TNFAIP8: variants seen among roughly 807,000 people sequenced by gnomAD.
TNFAIP8 encodes the protein tumor necrosis factor alpha-induced protein 8.
TNFAIP8 carries 7 observed loss-of-function variants against 13.3 expected under a neutral mutation model. The observed-to-expected ratio is 0.52, with a 90% CI of 0.30 to 0.99. The LOEUF is 0.99. TNFAIP8 is among the 50% of genes least tolerant of loss of function. TNFAIP8 has a pLI of 0.07. For missense variants in TNFAIP8, 258 were observed against 236.9 expected (o/e 1.09, Z -0.58); for synonymous variants, 94 against 87.6 (o/e 1.07, Z -0.41).
At chr5:119,351,518 C>T (rs757111139), upstream of TNFAIP8, among the ~76,000 whole-genome samples, 6 of 151,886 alleles carry the variant, frequency 4.0e-5, no homozygotes, top group East Asian at 7.7e-4. Flanking sequence ...GTAAGTGTTC[C>T]GAACACATTT....
intron 1 of TNFAIP8, among the ~76,000 whole-genome samples, chr5:119,287,002 G>T (rs548348266): frequency 1.3e-5 from 2 of 152,200 alleles, no homozygotes; most frequent in East Asian, 1.9e-4. Context: ...AGAACGCATC[G>T]CAAGCATCCC....
At chr5:119,296,803 A>C (rs1415643047) in intron 1 of TNFAIP8, among the ~76,000 whole-genome samples, 13 of 151,878 alleles carry the variant, frequency 8.6e-5, no homozygotes, top group Middle Eastern at 3.4e-3. Context: ...ACAATTTCAG[A>C]GCCTGTTATT....
intron 1 of TNFAIP8, among the ~76,000 whole-genome samples, chr5:119,312,257 T>A (rs1749753436): frequency 6.6e-6 from 1 of 152,180 alleles, no homozygotes; most frequent in African/African-American, 2.4e-5. Context: ...TGGATTCAAA[T>A]TCTGACTCTG....
chr5:119,358,478 G>A (rs1452900050), intron 1 of TNFAIP8, among the ~76,000 whole-genome samples: 1 of 152,140 alleles, frequency 6.6e-6, no homozygotes, highest in Non-Finnish European at 1.5e-5. Flanking sequence ...CAATGAATAA[G>A]TGATTGTGCT....
intron 1 of TNFAIP8, among the ~76,000 whole-genome samples, chr5:119,296,234 G>T (rs1272452522): frequency 6.6e-6 from 1 of 151,892 alleles, no homozygotes; most frequent in Non-Finnish European, 1.5e-5. Context: ...TCCAGTTTTT[G>T]CCCATTCAGT....
rs1750436865 is a variant in TNFAIP8 at position 119,333,145 on chromosome 5, G to A, written c.2-59671G>A. The stretch of plus-strand genomic sequence containing the variant: ...AGTATCTGTTTCTATTTTCTAGCAT[G>A]TTGAAACGTTAGACTTCCTGTTTCT... On this transcript the variant is annotated intron_variant, in intron 1 of 1. Transcript: ENST00000274456. The A allele has an allele frequency of 4.6e-6, 4 of 865,386 alleles. No individual in the cohort carries two copies. The African/African-American group carries it at 7.8e-5, about 17-fold the overall frequency. 53.6% of individuals were successfully genotyped at this position (865,386 alleles called of 1,614,324 possible). A position where few individuals can be genotyped will look rare whatever the true frequency, so the allele number is the denominator to read the frequency against.
chr5:119,297,641 G>A (rs1749219278), intron 1 of TNFAIP8, among the ~76,000 whole-genome samples: 1 of 152,300 alleles, frequency 6.6e-6, no homozygotes, highest in South Asian at 2.1e-4. Context: ...GCAGAGCTGA[G>A]TTCAATTCCT....
rs1347071151 is a variant in TNFAIP8 at position 119,299,031 on chromosome 5, A to T, written c.1+30124A>T. ...TTCTAAATTTTTTTCAAAGTTTTTA[A>T]CTTCTTTGCCTTTGGTTTGAATTTC... On this transcript the variant is annotated intron_variant, in intron 1 of 1. Transcript: ENST00000274456. Among the ~76,000 whole-genome samples, 5 of 152,140 alleles carry T rather than the reference A, an allele frequency of 3.3e-5. No homozygotes were observed. The South Asian group carries it at 1.0e-3, about 32-fold the overall frequency.
chr5:119,346,540 C>T (rs577351964), intron 1 of TNFAIP8, among the ~76,000 whole-genome samples: 75 of 152,308 alleles, frequency 4.9e-4, no homozygotes, highest in African/African-American at 1.7e-3. Context: ...AAACTTATTG[C>T]AGTTCCTCAA....
At chr5:119,351,097 A>C (rs1462974495), upstream of TNFAIP8, among the ~76,000 whole-genome samples, 1 of 150,864 alleles carries the variant, frequency 6.6e-6, no homozygotes, top group Non-Finnish European at 1.5e-5. Context: ...ATCATAGCTC[A>C]CTGTAGCCTT....
At chr5:119,345,042 C>T (rs764839034) in intron 1 of TNFAIP8, among the ~76,000 whole-genome samples, 1 of 152,082 alleles carries the variant, frequency 6.6e-6, no homozygotes, top group East Asian at 1.9e-4. Flanking sequence ...CATGCCATTT[C>T]TAGGACAAAA....
chr5:119,373,059 A>G (rs1425871072), intron 1 of TNFAIP8, among the ~76,000 whole-genome samples: 3 of 152,178 alleles, frequency 2.0e-5, no homozygotes, highest in Non-Finnish European at 4.4e-5. Flanking sequence ...CCTTGGTAGT[A>G]TGACTGGATT....
chr5:119,381,979 G>A (rs1461722536), intron 1 of TNFAIP8, among the ~76,000 whole-genome samples: 2 of 152,024 alleles, frequency 1.3e-5, no homozygotes, highest in East Asian at 3.9e-4. Context: ...GTATTTCCTG[G>A]GTCTTAACAA....
At chr5:119,321,138 A>G (rs969857611) in intron 1 of TNFAIP8, among the ~76,000 whole-genome samples, 33 of 151,930 alleles carry the variant, frequency 2.2e-4, no homozygotes, top group Non-Finnish European at 4.4e-4. Context: ...AATGGTGTGC[A>G]CCCGGGAGGC....
chr5:119,319,366 G>A (rs546908710), intron 1 of TNFAIP8, among the ~76,000 whole-genome samples: 1 of 152,322 alleles, frequency 6.6e-6, no homozygotes, highest in South Asian at 2.1e-4. Context: ...CCAACATGAG[G>A]TTTCGAGAAA....
At chr5:119,333,597 TC>T (rs1334473965) in intron 1 of TNFAIP8, 17 of 1,535,470 alleles carry the variant, frequency 1.1e-5, no homozygotes, top group Non-Finnish European at 1.5e-5. Context: ...AAGTTGTCCT[TC>T]TGATTGCACA....
intron 1 of TNFAIP8, among the ~76,000 whole-genome samples, chr5:119,376,039 C>T (rs1752264345): frequency 2.0e-5 from 3 of 151,934 alleles, no homozygotes; most frequent in South Asian, 2.1e-4. Context: ...GATGAAATGT[C>T]GCATTTAGAA....
intron 1 of TNFAIP8, among the ~76,000 whole-genome samples, chr5:119,370,992 A>C (rs984976268): frequency 1.3e-5 from 2 of 152,220 alleles, no homozygotes; most frequent in African/African-American, 2.4e-5. Context: ...TGTAAACTTA[A>C]TGGAAGAAAA....
At chr5:119,306,910 C>A (rs1749584024) in intron 1 of TNFAIP8, among the ~76,000 whole-genome samples, 1 of 152,068 alleles carries the variant, frequency 6.6e-6, no homozygotes, top group African/African-American at 2.4e-5. Context: ...AAGTAGCTTC[C>A]CAGAAATTTC....
Sources: gnomAD v4.1 joint callset for allele counts (sites outside exome capture counted in the v4.1 genomes callset) on GRCh38, gnomAD v4.1.1 for gene constraint, MANE v1.5 for transcripts, NCBI Gene and HGNC (gene_info 2026-07-23, HGNC 2026-07-21) for gene names.